Variants in EML4 observed in about 807,000 individuals in gnomAD.
The protein encoded by EML4 is EMAP like 4, also known as echinoderm microtubule-associated protein-like 4.
In EML4, 72 loss-of-function variants were observed where a neutral mutation model predicts 129.0. The ratio of observed to expected loss-of-function variants is 0.56; its 90% confidence interval spans 0.46 to 0.68. The LOEUF (loss-of-function observed/expected upper bound fraction) is 0.68, where lower values mean the gene tolerates loss of function less well. Among genes scored for constraint, EML4 ranks in the 30% least tolerant of loss-of-function variants. EML4 has a pLI of 0.00. For missense variants in EML4, 1,363 were observed against 1,190.6 expected, an observed-to-expected ratio of 1.14 and a Z score of -2.13; for synonymous variants, 532 against 405.0, an observed-to-expected ratio of 1.31 and a Z score of -3.77.
At chr2:42,190,957 T>C (rs992103826) in intron 1 of EML4, among the ~76,000 whole-genome samples, 1 of 152,258 alleles carries the variant, frequency 6.6e-6, no homozygotes, top group Non-Finnish European at 1.5e-5. Flanking sequence ...CAAAAACAGT[T>C]GACAGGCCAG....
At position 42,172,499 on chromosome 2, in the gene EML4, T is replaced by TA. The variant is rs1258900596; in HGVS notation, c.25+2869dup. On this transcript the variant is annotated intron_variant, in intron 1 of 22. Coordinates refer to ENST00000318522, the MANE Select transcript of EML4 (RefSeq NM_019063.5). ...CTGATTATGTTATCTTTGTTTTACA[T>TA]AAAAAACAAGTGAAGAATTCTTTTA... Among the ~76,000 whole-genome samples, 14 of 152,284 alleles carry TA rather than the reference T, an allele frequency of 9.2e-5. No individual in the cohort carries two copies. The East Asian group carries it at 2.7e-3, about 29-fold the overall frequency.
intron 1 of EML4, among the ~76,000 whole-genome samples, chr2:42,234,919 G>A (rs371546609): frequency 6.6e-6 from 1 of 152,168 alleles, no homozygotes; most frequent in Non-Finnish European, 1.5e-5. Flanking sequence ...CACTTTGGGA[G>A]GCCAAGGCGG....
chr2:42,307,253 A>C (rs1256713247), intron 17 of EML4, among the ~76,000 whole-genome samples: 1 of 152,258 alleles, frequency 6.6e-6, no homozygotes, highest in Non-Finnish European at 1.5e-5. Flanking sequence ...TGAAGTCATC[A>C]TTGACAAGCT....
intron 1 of EML4, among the ~76,000 whole-genome samples, chr2:42,177,639 A>C (rs1221785697): frequency 6.6e-6 from 1 of 152,186 alleles, no homozygotes; most frequent in Non-Finnish European, 1.5e-5. Flanking sequence ...GCAAACAGAC[A>C]AACAAAAACT....
At chr2:42,248,919 T>C (rs1675588583) in intron 2 of EML4, among the ~76,000 whole-genome samples, 1 of 152,174 alleles carries the variant, frequency 6.6e-6, no homozygotes, top group African/African-American at 2.4e-5. Flanking sequence ...TATGTCCAAC[T>C]AATTATGTTT....
chr2:42,206,962 C>A (rs1159670839), intron 1 of EML4, among the ~76,000 whole-genome samples: 1 of 151,966 alleles, frequency 6.6e-6, no homozygotes, highest in African/African-American at 2.4e-5. Flanking sequence ...TTTGGTTGGT[C>A]AAAAATAGTT....
intron 14 of EML4, 33 bp downstream of exon 14, chr2:42,301,425 A>G (rs1451663012): frequency 5.8e-6 from 9 of 1,550,334 alleles, no homozygotes; most frequent in Middle Eastern, 1.7e-4. Flanking sequence ...AAAATATTAA[A>G]TACTCTAAAC....
At chr2:42,256,899 A>G (rs1434468618) in intron 3 of EML4, among the ~76,000 whole-genome samples, 1 of 152,244 alleles carries the variant, frequency 6.6e-6, no homozygotes, top group Non-Finnish European at 1.5e-5. Context: ...TCTTTGTAAC[A>G]AGTATTTATT....
intron 13 of EML4, among the ~76,000 whole-genome samples, chr2:42,297,457 A>G (rs912404650): frequency 6.6e-6 from 1 of 152,204 alleles, no homozygotes; most frequent in African/African-American, 2.4e-5. Context: ...CAACCTCTCT[A>G]CATATGCACA....
intron 1 of EML4, among the ~76,000 whole-genome samples, chr2:42,244,950 C>T (rs1157058853): frequency 6.6e-6 from 1 of 151,676 alleles, no homozygotes; most frequent in Non-Finnish European, 1.5e-5. Context: ...GAAATTTGAC[C>T]GTGGGGACAA....
At chr2:42,218,572 G>C (rs1299159995) in intron 1 of EML4, among the ~76,000 whole-genome samples, 1 of 152,052 alleles carries the variant, frequency 6.6e-6, no homozygotes, top group Non-Finnish European at 1.5e-5. Flanking sequence ...GATCTCTCAT[G>C]TATATGGATC....
intron 1 of EML4, among the ~76,000 whole-genome samples, chr2:42,240,058 A>G (rs974479535): frequency 3.9e-5 from 6 of 152,158 alleles, no homozygotes; most frequent in African/African-American, 1.4e-4. Flanking sequence ...TAGTTTACTT[A>G]TTTATAAAAT....
intron 1 of EML4, among the ~76,000 whole-genome samples, chr2:42,222,544 G>A (rs1405230820): frequency 6.6e-6 from 1 of 152,126 alleles, no homozygotes; most frequent in Non-Finnish European, 1.5e-5. Context: ...TTGGGACAAA[G>A]ACCTTTTGTC....
chr2:42,187,485 T>C (rs1671329835), intron 1 of EML4, among the ~76,000 whole-genome samples: 2 of 152,224 alleles, frequency 1.3e-5, no homozygotes, highest in African/African-American at 2.4e-5. Flanking sequence ...CATTGCTGAG[T>C]AATATTTCTT....
intron 17 of EML4, among the ~76,000 whole-genome samples, chr2:42,304,826 A>G (rs1668500609): frequency 6.6e-6 from 1 of 152,218 alleles, no homozygotes; most frequent in Non-Finnish European, 1.5e-5. Context: ...TGTATGGGAC[A>G]GAATAAAAAA....
chr2:42,238,513 G>A (rs1234424127), intron 1 of EML4, among the ~76,000 whole-genome samples: 2 of 152,172 alleles, frequency 1.3e-5, no homozygotes, highest in African/African-American at 2.4e-5. Flanking sequence ...GAGGCTGAGA[G>A]GGGAGGATTG....
At chr2:42,297,813 A>T (rs537517445) in intron 13 of EML4, among the ~76,000 whole-genome samples, 1 of 152,328 alleles carries the variant, frequency 6.6e-6, no homozygotes. Flanking sequence ...GCAGAAGTAT[A>T]ATTTCACAAC....
rs1421554177 is a variant in EML4, at chr2:42,331,124, A to T, written c.*917A>T. 9.2e-6 allele frequency: 2 copies of T among 218,250 alleles called. No individual in the cohort carries two copies. The highest frequency in any genetic ancestry group is 1.8e-5 in the Non-Finnish European group (2 of 108,488). The allele number at this position is 218,250 out of a possible 1,614,324, so 13.5% of individuals were successfully genotyped here. ...TAATTTGTTCCCTCAGTAATAGGAG[A>T]AATATAAATACAGTAAGTTTAGATT... On this transcript the variant is annotated 3_prime_UTR_variant, in exon 23 of 23. Coordinates refer to ENST00000318522, the MANE Select transcript of EML4 (RefSeq NM_019063.5).
chr2:42,190,041 G>A (rs1436869347), intron 1 of EML4, among the ~76,000 whole-genome samples: 1 of 151,694 alleles, frequency 6.6e-6, no homozygotes, highest in Non-Finnish European at 1.5e-5. Context: ...CAGAAGAGGT[G>A]CTTATAATTT....
Sources: gnomAD v4.1 joint callset for allele counts (sites outside exome capture counted in the v4.1 genomes callset) on GRCh38, gnomAD v4.1.1 for gene constraint, MANE v1.5 for transcripts, NCBI Gene and HGNC (gene_info 2026-07-23, HGNC 2026-07-21) for gene names.